PDE1A: variants seen among roughly 807,000 people sequenced by gnomAD.
PDE1A encodes dual specificity calcium/calmodulin-dependent 3',5'-cyclic nucleotide phosphodiesterase 1A.
PDE1A carries 35 observed loss-of-function variants against 61.7 expected under a neutral mutation model. That is an observed-to-expected ratio of 0.57 (90% CI 0.43 to 0.75). PDE1A has a LOEUF of 0.75. Ranked by LOEUF, PDE1A falls within the 30% of genes least tolerant of loss-of-function variation. The probability of loss-of-function intolerance (pLI) is 0.00; values close to 1 mark genes in which losing one functional copy is unlikely to be tolerated. For missense variants in PDE1A, 597 were observed against 630.6 expected (o/e 0.95, Z 0.57); for synonymous variants, 232 against 213.2 (o/e 1.09, Z -0.77).
intron 2 of PDE1A, among the ~76,000 whole-genome samples, chr2:182,494,991 T>A (rs1429285950): frequency 3.9e-5 from 6 of 152,140 alleles, no homozygotes; most frequent in African/African-American, 1.2e-4. Flanking sequence ...ACCTGACCAT[T>A]AAGGACTCCC....
intron 8 of PDE1A, 113 bp downstream of exon 8, chr2:182,205,827 T>C: frequency 1.1e-6 from 1 of 884,586 alleles, no homozygotes; most frequent in African/African-American, 1.7e-5. Context: ...CGACAGTAAT[T>C]AAGTTTGTAA....
intron 2 of PDE1A, among the ~76,000 whole-genome samples, chr2:182,260,297 A>C (rs1185278593): frequency 1.3e-5 from 2 of 152,218 alleles, no homozygotes; most frequent in Admixed American, 6.5e-5. Flanking sequence ...TCTATCAAAA[A>C]ACATTTCAGA....
chr2:182,537,588 G>T, the PDE1A span, among the ~76,000 whole-genome samples: 1 of 152,012 alleles, frequency 6.6e-6, no homozygotes, highest in Non-Finnish European at 1.5e-5. Flanking sequence ...CATGGCACGG[G>T]TATACCTATG....
In PDE1A at chr2:182,186,599, C is replaced by A; in HGVS notation, c.1208-11G>T. 1 of 1,588,268 alleles carries A rather than the reference C, an allele frequency of 6.3e-7. No homozygotes were observed. Among genetic ancestry groups the A allele is most frequent in the South Asian group, 1.2e-5 (1 of 85,922 alleles). ...TGAAATCGATGAAACCTACAAAAGC[C>A]AAAATGAGAAGAGAGAGAGATAAAT... On this transcript the variant is annotated splice_polypyrimidine_tract_variant and intron_variant, in intron 11 of 13. Coordinates refer to ENST00000351439, the Ensembl canonical transcript of PDE1A.
the PDE1A span, among the ~76,000 whole-genome samples, chr2:182,562,463 T>C: frequency 1.1e-4 from 17 of 151,222 alleles, no homozygotes; most frequent in Admixed American, 5.3e-4. Context: ...TTGCCAGTAT[T>C]TTATTGAGGA....
chr2:182,615,485 A>G, the PDE1A span, among the ~76,000 whole-genome samples: 3 of 152,218 alleles, frequency 2.0e-5, no homozygotes, highest in African/African-American at 7.2e-5. Flanking sequence ...ATATAAGACC[A>G]TATGTCATTA....
At chr2:182,607,047 G>A in the PDE1A span, among the ~76,000 whole-genome samples, 1 of 151,852 alleles carries the variant, frequency 6.6e-6, no homozygotes, top group Admixed American at 6.5e-5. Flanking sequence ...ATGTAACGTG[G>A]GGGGAAAAAA....
chr2:182,443,639 A>C (rs1006620131), intron 2 of PDE1A, among the ~76,000 whole-genome samples: 2 of 150,122 alleles, frequency 1.3e-5, no homozygotes, highest in Non-Finnish European at 3.0e-5. Context: ...CTCCCCAGCC[A>C]TGCTTCCTCT....
intron 1 of PDE1A, among the ~76,000 whole-genome samples, chr2:182,419,778 T>C (rs1410505633): frequency 6.6e-6 from 1 of 152,156 alleles, no homozygotes; most frequent in Non-Finnish European, 1.5e-5. Context: ...TACATGCCTT[T>C]TGTTTCGCAC....
intron 1 of PDE1A, among the ~76,000 whole-genome samples, chr2:182,341,918 C>T (rs1228885576): frequency 6.6e-6 from 1 of 152,044 alleles, no homozygotes; most frequent in Non-Finnish European, 1.5e-5. Context: ...CCACCACACC[C>T]AGCTACTTTT....
At chr2:182,497,799 T>C (rs563184595) in intron 2 of PDE1A, among the ~76,000 whole-genome samples, 53 of 151,846 alleles carry the variant, frequency 3.5e-4, no homozygotes, top group African/African-American at 1.2e-3. Flanking sequence ...TCCCAGCACT[T>C]TGGGAGGCCG....
chr2:182,699,624 T>G, the PDE1A span, among the ~76,000 whole-genome samples: 1 of 152,190 alleles, frequency 6.6e-6, no homozygotes. Context: ...TAGATGACAG[T>G]TACAGGTTCT....
chr2:182,197,249 G>A (rs2125449664), intron 10 of PDE1A, among the ~76,000 whole-genome samples: 1 of 151,288 alleles, frequency 6.6e-6, no homozygotes, highest in South Asian at 2.1e-4. Flanking sequence ...ATTCAAATTG[G>A]CCTGATTTTC....
chr2:182,186,317 G>T, intron 12 of PDE1A, 151 bp downstream of exon 12: 1 of 932,300 alleles, frequency 1.1e-6, no homozygotes, highest in Non-Finnish European at 1.6e-6. Flanking sequence ...GTCAAAGGCA[G>T]ATGCAATATA....
At chr2:182,181,669 C>A (rs1293012245) in intron 13 of PDE1A, among the ~76,000 whole-genome samples, 1 of 152,222 alleles carries the variant, frequency 6.6e-6, no homozygotes, top group Non-Finnish European at 1.5e-5. Context: ...GACCCTGCGA[C>A]TGCAGCTGCC....
chr2:182,382,515 C>T (rs775378594), intron 1 of PDE1A, among the ~76,000 whole-genome samples: 1 of 152,186 alleles, frequency 6.6e-6, no homozygotes, highest in Non-Finnish European at 1.5e-5. Flanking sequence ...GACTAGCTAA[C>T]ACCTTGATTT....
At chr2:182,378,862 G>A (rs374932156) in intron 1 of PDE1A, among the ~76,000 whole-genome samples, 11 of 151,910 alleles carry the variant, frequency 7.2e-5, no homozygotes, top group East Asian at 1.9e-4. Context: ...CAAAATCTTC[G>A]TATTATCCAG....
downstream of PDE1A, among the ~76,000 whole-genome samples, chr2:182,144,892 T>C (rs899234207): frequency 6.6e-6 from 1 of 152,154 alleles, no homozygotes; most frequent in Non-Finnish European, 1.5e-5. Flanking sequence ...GCCCTTACTC[T>C]GCCAGAGTAA....
chr2:182,249,740 CCAA>C (rs150764652), intron 2 of PDE1A, among the ~76,000 whole-genome samples: 106,691 of 149,046 alleles, frequency 0.72, 38,775 homozygotes, highest in African/African-American at 0.85. Context: ...AACCCCCCCC[CCAA>C]AAAAAACAGA....
Sources: gnomAD v4.1 joint callset for allele counts (sites outside exome capture counted in the v4.1 genomes callset) on GRCh38, gnomAD v4.1.1 for gene constraint, MANE v1.5 for transcripts, NCBI Gene and HGNC (gene_info 2026-07-23, HGNC 2026-07-21) for gene names.